The following CHLSN variants were observed in gnomAD, a reference collection of about 807,000 sequenced individuals.
The protein encoded by CHLSN is protein cholesin.
chr7:1,006,144 G>C, the CHLSN span, among the ~76,000 whole-genome samples: 1 of 152,248 alleles, frequency 6.6e-6, no homozygotes, highest in Admixed American at 6.5e-5. Context: ...CAGCAACCCA[G>C]AGACCCACAG....
At chr7:1,068,595 G>A in the CHLSN span, among the ~76,000 whole-genome samples, 5 of 152,100 alleles carry the variant, frequency 3.3e-5, no homozygotes, top group Admixed American at 3.3e-4. Flanking sequence ...AGAAGACCAG[G>A]CCCCTGCCTG....
the CHLSN span, among the ~76,000 whole-genome samples, chr7:1,022,206 C>G: frequency 3.3e-5 from 5 of 152,200 alleles, no homozygotes; most frequent in African/African-American, 1.2e-4. Context: ...CTGGCCCCGT[C>G]CCACGAGGAC....
the CHLSN span, among the ~76,000 whole-genome samples, chr7:1,040,872 C>G: frequency 6.6e-6 from 1 of 152,232 alleles, no homozygotes; most frequent in African/African-American, 2.4e-5. Context: ...AGGCGCAGCT[C>G]GGAGCAGGGC....
At chr7:1,043,325 A>G in the CHLSN span, 1 of 152,260 alleles carries the variant, frequency 6.6e-6, no homozygotes, top group Admixed American at 6.5e-5. Flanking sequence ...GCGCCTTAAA[A>G]TCAGCAGTAT....
At chr7:1,077,716 G>GT in the CHLSN span, 1 of 152,310 alleles carries the variant, frequency 6.6e-6, no homozygotes. Context: ...ATTGAGTGTG[G>GT]TGTGAGCGGC....
At chr7:1,087,174 T>C in the CHLSN span, 1 of 152,210 alleles carries the variant, frequency 6.6e-6, no homozygotes, top group African/African-American at 2.4e-5. Context: ...TGCACGAGAC[T>C]GTGAAATCCG....
the CHLSN span, among the ~76,000 whole-genome samples, chr7:1,001,310 A>T: frequency 0.62 from 94,490 of 151,860 alleles, 31,553 homozygotes; most frequent in African/African-American, 0.88. Context: ...AGCTTGCCTG[A>T]CCCCACTGCC....
At chr7:1,053,782 G>A in the CHLSN span, among the ~76,000 whole-genome samples, 19 of 152,248 alleles carry the variant, frequency 1.2e-4, no homozygotes, top group East Asian at 5.8e-4. Flanking sequence ...AGCTGAGATC[G>A]TGCCACTGCA....
chr7:1,132,143 T>C, the CHLSN span, among the ~76,000 whole-genome samples: 1 of 152,242 alleles, frequency 6.6e-6, no homozygotes, highest in Non-Finnish European at 1.5e-5. Context: ...GACCTTGGAT[T>C]AGGCAATGGC....
the CHLSN span, among the ~76,000 whole-genome samples, chr7:1,030,446 C>T: frequency 3.9e-5 from 6 of 152,300 alleles, no homozygotes; most frequent in East Asian, 7.7e-4. Context: ...GGCTGGGCCA[C>T]TAGCCCCACA....
chr7:1,123,648 G>C, the CHLSN span, among the ~76,000 whole-genome samples: 1 of 151,736 alleles, frequency 6.6e-6, no homozygotes, highest in Admixed American at 6.6e-5. The surrounding 1 kb of genome is among the most constrained non-coding windows in gnomAD (Gnocchi z 4.4). Flanking sequence ...AGTCAGCAAG[G>C]AAATATCCAT....
the CHLSN span, among the ~76,000 whole-genome samples, chr7:1,001,261 G>C: frequency 2.6e-5 from 4 of 152,220 alleles, no homozygotes; most frequent in Admixed American, 6.5e-5. Flanking sequence ...TGTAGGCTCA[G>C]CACGGGGGAG....
At chr7:1,123,419 C>G in the CHLSN span, among the ~76,000 whole-genome samples, 9 of 152,154 alleles carry the variant, frequency 5.9e-5, no homozygotes, top group Non-Finnish European at 4.4e-5. The surrounding 1 kb of genome is among the most constrained non-coding windows in gnomAD (Gnocchi z 4.4). Context: ...CGGGGGGACA[C>G]AGGCTTCTCC....
the CHLSN span, among the ~76,000 whole-genome samples, chr7:1,032,778 C>T: frequency 2.0e-5 from 3 of 152,222 alleles, no homozygotes; most frequent in Non-Finnish European, 4.4e-5. Flanking sequence ...TCAGCAGGTC[C>T]CCAAGAGAAA....
the CHLSN span, among the ~76,000 whole-genome samples, chr7:1,125,299 G>A: frequency 1.3e-5 from 2 of 152,296 alleles, no homozygotes; most frequent in East Asian, 3.9e-4. Flanking sequence ...GGGCCCACGT[G>A]GGCTCCCCCT....
At chr7:1,041,991 G>T in the CHLSN span, among the ~76,000 whole-genome samples, 3 of 152,314 alleles carry the variant, frequency 2.0e-5, no homozygotes, top group South Asian at 6.2e-4. Context: ...CAACATCTCC[G>T]TGAGACACGC....
chr7:995,738 G>A, the CHLSN span, among the ~76,000 whole-genome samples: 2 of 152,278 alleles, frequency 1.3e-5, no homozygotes, highest in African/African-American at 4.8e-5. Flanking sequence ...GTGCCTTCCT[G>A]TTTGTGAGTT....
the CHLSN span, among the ~76,000 whole-genome samples, chr7:1,083,549 A>C: frequency 6.6e-6 from 1 of 151,442 alleles, no homozygotes. Flanking sequence ...AACGGTGTGA[A>C]CCCGGGAGGT....
At chr7:1,061,121 T>G in the CHLSN span, among the ~76,000 whole-genome samples, 1 of 152,158 alleles carries the variant, frequency 6.6e-6, no homozygotes, top group Non-Finnish European at 1.5e-5. Context: ...ACCATCCAAC[T>G]ATCCTCCCCA....
Sources: gnomAD v4.1 joint callset for allele counts (sites outside exome capture counted in the v4.1 genomes callset) on GRCh38, gnomAD v4.1.1 for gene constraint, Gnocchi (gnomAD v3.1) non-coding constraint, MANE v1.5 for transcripts, NCBI Gene and HGNC (gene_info 2026-07-23, HGNC 2026-07-21) for gene names.